KCNH1: variants seen among roughly 807,000 people sequenced by gnomAD.
KCNH1 encodes voltage-gated delayed rectifier potassium channel KCNH1.
In KCNH1, 27 loss-of-function variants were observed where a neutral mutation model predicts 69.2. The observed-to-expected ratio is 0.39, with a 90% CI of 0.29 to 0.54. KCNH1 has a LOEUF of 0.54. Ranked by LOEUF, KCNH1 falls within the 20% of genes least tolerant of loss-of-function variation. KCNH1 has a pLI of 0.68. For synonymous variants in KCNH1, 456 were observed against 487.7 expected, an observed-to-expected ratio of 0.93 and a Z score of 0.86; for missense variants, 798 against 1,261.6, an observed-to-expected ratio of 0.63 and a Z score of 5.57.
intron 10 of KCNH1, among the ~76,000 whole-genome samples, chr1:210,691,338 G>A (rs11119571): frequency 0.37 from 55,538 of 152,062 alleles, 11,074 homozygotes; most frequent in South Asian, 0.52. Context: ...CTGATGGAGA[G>A]CTCTAATGTG....
rs201501883 is a variant in KCNH1 at position 210,875,802 on chromosome 1, CAA to C, written c.1462+43836_1462+43837del. Reference sequence around the variant, plus strand: ...TGGGCTACAGAGCAAGACACTTTCTCAAAAAAAAAAAAAAATAAATCAATAGC... The same window carrying C: ...TGGGCTACAGAGCAAGACACTTTCTCAAAAAAAAAAAAATAAATCAATAGC... On this transcript the variant is annotated intron_variant, in intron 7 of 10. Coordinates refer to ENST00000271751, the MANE Select transcript of KCNH1 (RefSeq NM_172362.3). 4.1e-4 allele frequency among the ~76,000 whole-genome samples: 50 copies of C among 122,326 alleles called. 1 individual carries two copies. Among genetic ancestry groups the C allele is most frequent in the East Asian group, 5.1e-4 (2 of 3,918 alleles). The allele number at this position is 122,326 out of a possible 152,430, so 80.3% of individuals were successfully genotyped here. A position where few individuals can be genotyped will look rare whatever the true frequency, so the allele number is the denominator to read the frequency against.
At chr1:211,008,040 T>C (rs1267501708) in intron 6 of KCNH1, among the ~76,000 whole-genome samples, 2 of 152,208 alleles carry the variant, frequency 1.3e-5, no homozygotes, top group African/African-American at 4.8e-5. Context: ...TCAGCAATTC[T>C]ACTTCTATAT....
In KCNH1 at chr1:210,859,315, AACTGTTT is replaced by A. The variant is rs1238441798; in HGVS notation, c.1463-55156_1463-55150del. On this transcript the variant is annotated intron_variant, in intron 7 of 10. Coordinates refer to ENST00000271751, the MANE Select transcript of KCNH1 (RefSeq NM_172362.3). ...GATTGGCCAGAGTTACTGTGTCTGT[AACTGTTT>A]TCTTTGTTCTTCATTAAGACCATGA... The A allele has an allele frequency of 2.0e-6, 3 of 1,531,920 alleles. No individual in the cohort carries two copies. The African/African-American group carries it at 4.1e-5, about 21-fold the overall frequency. The allele number at this position is 1,531,920 out of a possible 1,614,324, so 94.9% of individuals were successfully genotyped here.
In KCNH1 at chr1:211,133,885, T is replaced by C. The variant is rs754092874; in HGVS notation, c.61A>G (p.Ile21Val). 6 of 1,610,726 alleles carry C rather than the reference T, an allele frequency of 3.7e-6. No homozygotes were observed. The highest frequency in any genetic ancestry group is 5.1e-6 in the Non-Finnish European group (6 of 1,178,640). The change falls in exon 1 of 11, where the codon ATT becomes GTT. Residue 21 changes from isoleucine to valine, a missense_variant. Coordinates refer to ENST00000271751, the MANE Select transcript of KCNH1 (RefSeq NM_172362.3). The surrounding 1 kb of genome is among the most constrained non-coding windows in gnomAD (Gnocchi z 5.4). ...CTCTTACCATTGGACCGCCGAACAATATTCTCCAGAAACGTGTTTTGAGGG... is the reference window on the plus strand; with the variant it reads ...CTCTTACCATTGGACCGCCGAACAACATTCTCCAGAAACGTGTTTTGAGGG... ...VAPQNTFLEN[I>V]VRRSNDTNFV...
chr1:211,050,288 A>AAAAAAAAAAAAAAAAC (rs1253001188), intron 5 of KCNH1, among the ~76,000 whole-genome samples: 1 of 144,442 alleles, frequency 6.9e-6, no homozygotes, highest in Non-Finnish European at 1.5e-5. Flanking sequence ...AAAAAAAAAA[A>AAAAAAAAAAAAAAAAC]AAGGACAGCT....
intron 7 of KCNH1, among the ~76,000 whole-genome samples, chr1:210,812,668 G>A (rs1891661): frequency 0.5 from 76,115 of 152,082 alleles, 20,359 homozygotes; most frequent in Non-Finnish European, 0.61. Flanking sequence ...GTGCAGGAGG[G>A]AGTGTCATTA....
At chr1:211,028,784 A>C (rs1302435357) in intron 5 of KCNH1, among the ~76,000 whole-genome samples, 1 of 152,054 alleles carries the variant, frequency 6.6e-6, no homozygotes, top group Non-Finnish European at 1.5e-5. Flanking sequence ...AAACTCCCAG[A>C]AAAAATCCCC....
chr1:210,838,524 G>A (rs1304866901), intron 7 of KCNH1, among the ~76,000 whole-genome samples: 1 of 152,070 alleles, frequency 6.6e-6, no homozygotes, highest in Non-Finnish European at 1.5e-5. Context: ...ATTTCATGAT[G>A]AAGATACCAA....
intron 7 of KCNH1, among the ~76,000 whole-genome samples, chr1:210,857,390 A>G (rs1685876229): frequency 6.6e-6 from 1 of 150,852 alleles, no homozygotes; most frequent in Admixed American, 6.6e-5. Flanking sequence ...GGACCTTTGA[A>G]TTTTCTTTTC....
At position 210,775,522 on chromosome 1, in the gene KCNH1, A is replaced by C; in HGVS notation, c.1938T>G (p.Asp646Glu). Residue 646 changes from aspartate (D) to glutamate (E), a missense_variant, in exon 10 of 11, where the codon GAT becomes GAG. Coordinates refer to ENST00000271751, the MANE Select transcript of KCNH1 (RefSeq NM_172362.3). ...AILGKGDVFG[D>E]VFWKEATLAQ... ...CAAGGGTGGCTTCCTTCCAGAACAC[A>C]TCTCCAAACACGTCTCCTTTTCCTA... 8 of 1,613,892 alleles carry C rather than the reference A, an allele frequency of 5.0e-6. No homozygotes were observed. The highest frequency in any genetic ancestry group is 5.9e-6 in the Non-Finnish European group (7 of 1,179,864).
chr1:210,692,188 A>T (rs1402846304), intron 10 of KCNH1, among the ~76,000 whole-genome samples: 1 of 152,186 alleles, frequency 6.6e-6, no homozygotes, highest in East Asian at 1.9e-4. Flanking sequence ...CTGGCATCTT[A>T]TTCACTCTTA....
At chr1:210,694,779 A>G (rs1681602277) in intron 10 of KCNH1, among the ~76,000 whole-genome samples, 1 of 152,210 alleles carries the variant, frequency 6.6e-6, no homozygotes, top group Non-Finnish European at 1.5e-5. Context: ...TCTCTCCAAA[A>G]CTTCATTACA....
intron 5 of KCNH1, among the ~76,000 whole-genome samples, chr1:211,055,003 T>A (rs1016351545): frequency 6.6e-6 from 1 of 152,026 alleles, no homozygotes; most frequent in East Asian, 1.9e-4. Context: ...GGAAGCCACA[T>A]CAAGACAGTA....
chr1:210,800,862 G>A (rs562190206), intron 8 of KCNH1, among the ~76,000 whole-genome samples: 80 of 152,304 alleles, frequency 5.3e-4, no homozygotes, highest in African/African-American at 1.6e-3. Context: ...GAGAAGAGGC[G>A]TTAGGATCAG....
intron 6 of KCNH1, among the ~76,000 whole-genome samples, chr1:210,968,486 AGT>A (rs1342109133): frequency 1.4e-5 from 2 of 140,804 alleles, no homozygotes; most frequent in Admixed American, 7.3e-5. Flanking sequence ...TCCCACCAAC[AGT>A]GTAAAAGTGT....
At chr1:210,902,421 C>G (rs1473098873) in intron 7 of KCNH1, among the ~76,000 whole-genome samples, 1 of 152,228 alleles carries the variant, frequency 6.6e-6, no homozygotes. Flanking sequence ...AAAACACCAT[C>G]TGGTGACCCC....
rs962353013 is a variant in KCNH1, at chr1:210,678,348, A to G, written c.*4933T>C. On this transcript the variant is annotated 3_prime_UTR_variant, in exon 11 of 11. Transcript: ENST00000271751. ...AAATAGTTTATTACCATAATAAATA[A>G]AACTTTTTTTTTTTACAAATATCAT... is the stretch of plus-strand genomic sequence containing the variant. The G allele has an allele frequency of 6.8e-6, 1 of 145,988 alleles. No homozygotes were observed. The highest frequency in any genetic ancestry group is 2.5e-5 in the African/African-American group (1 of 39,882). The allele number at this position is 145,988 out of a possible 1,614,324, so 9.0% of individuals were successfully genotyped here. A position where few individuals can be genotyped will look rare whatever the true frequency, so the allele number is the denominator to read the frequency against.
chr1:210,927,727 G>C (rs1010989377), intron 6 of KCNH1, among the ~76,000 whole-genome samples: 1 of 152,188 alleles, frequency 6.6e-6, no homozygotes, highest in African/African-American at 2.4e-5. Context: ...AACATTGAAT[G>C]TAAATGGCCT....
At chr1:210,831,563 T>C (rs1287896447) in intron 7 of KCNH1, among the ~76,000 whole-genome samples, 1 of 152,174 alleles carries the variant, frequency 6.6e-6, no homozygotes, top group Non-Finnish European at 1.5e-5. Flanking sequence ...ATCTGGGCCA[T>C]GGCATAGCAC....
Sources: allele counts gnomAD v4.1 joint callset (sites outside exome capture counted in the v4.1 genomes callset), GRCh38; gene constraint gnomAD v4.1.1; non-coding constraint Gnocchi (gnomAD v3.1); transcripts MANE v1.5; gene names NCBI Gene and HGNC (gene_info 2026-07-23, HGNC 2026-07-21).